The following STRIP2 variants were observed in gnomAD, a reference collection of about 807,000 sequenced individuals.
STRIP2 encodes striatin interacting protein 2, also known as striatin-interacting protein 2.
Under a neutral mutation model 107.1 loss-of-function variants are expected in STRIP2, and 84 were observed. The observed-to-expected ratio is 0.78, with a 90% CI of 0.66 to 0.94. The LOEUF (loss-of-function observed/expected upper bound fraction) is 0.94. Ranked by LOEUF, STRIP2 falls within the 40% of genes least tolerant of loss-of-function variation. The probability of loss-of-function intolerance (pLI) is 0.00; values close to 1 mark genes in which losing one functional copy is unlikely to be tolerated. For synonymous variants in STRIP2, 394 were observed against 400.4 expected (o/e 0.98, Z 0.19); for missense variants, 888 against 1,034.2 (o/e 0.86, Z 1.94).
chr7:129,443,657 C>A (rs1289744942), intron 2 of STRIP2, among the ~76,000 whole-genome samples: 2 of 152,210 alleles, frequency 1.3e-5, no homozygotes, highest in Non-Finnish European at 2.9e-5. Context: ...TGTTGCCCTC[C>A]TCTTCTCTTA....
At chr7:129,453,081 G>A in intron 4 of STRIP2, 146 bp from the exon 5 acceptor site, 1 of 1,057,214 alleles carries the variant, frequency 9.5e-7, no homozygotes. Flanking sequence ...ACTCATTCCA[G>A]GAAGTTCTTG....
chr7:129,461,195 A>G lies in STRIP2; in HGVS notation c.1476+823A>G, dbSNP rs1219394112. Among the ~76,000 whole-genome samples the G allele has an allele frequency of 1.3e-5, 2 of 152,224 alleles. No individual in the cohort carries two copies. Among genetic ancestry groups the G allele is most frequent in the African/African-American group, 4.8e-5 (2 of 41,466 alleles). On this transcript the variant is annotated intron_variant, in intron 13 of 20. Coordinates refer to ENST00000249344, the MANE Select transcript of STRIP2 (RefSeq NM_020704.3). The surrounding 1 kb of genome is among the most constrained non-coding windows in gnomAD (Gnocchi z 4.0). Reference sequence around the variant, plus strand: ...GAATCAAGAATAAGTACCATTTGCCAGGATGTGGGGGGAATATCAAGAGTT... The same window carrying G: ...GAATCAAGAATAAGTACCATTTGCCGGGATGTGGGGGGAATATCAAGAGTT...
chr7:129,458,769 C>T lies in STRIP2; in HGVS notation c.1332C>T (p.Thr444=). 1 of 1,614,116 alleles carries T rather than the reference C, an allele frequency of 6.2e-7. No individual in the cohort carries two copies. Among genetic ancestry groups the T allele is most frequent in the Non-Finnish European group, 8.5e-7 (1 of 1,180,006 alleles). Reference sequence around the variant, plus strand: ...GCAGGAACAAGTTCATCGGATTCACCCTGGGGCAGTAAGTGACTGAATGGC... The same window carrying T: ...GCAGGAACAAGTTCATCGGATTCACTCTGGGGCAGTAAGTGACTGAATGGC... ...EMSRNKFIGF[T]LGQDTDTLVG... is the part of the protein sequence containing the mutation. Residue 444 remains threonine (T), a synonymous_variant, in exon 11 of 21, where the codon ACC becomes ACT. Transcript: ENST00000249344. This position sits in a 1 kb window ranked among gnomAD's most constrained non-coding sequence, Gnocchi z 4.6.
chr7:129,472,113 A>G (rs1481536811), intron 18 of STRIP2, among the ~76,000 whole-genome samples: 3 of 152,220 alleles, frequency 2.0e-5, no homozygotes, highest in Admixed American at 2.0e-4. Context: ...AGTGGAAGTC[A>G]GGGTAGAGAG....
intron 3 of STRIP2, among the ~76,000 whole-genome samples, chr7:129,449,289 T>G (rs1345955696): frequency 6.6e-6 from 1 of 152,138 alleles, no homozygotes; most frequent in African/African-American, 2.4e-5. Flanking sequence ...CTCAAATAGT[T>G]CTTTTTGAGT....
intron 4 of STRIP2, among the ~76,000 whole-genome samples, chr7:129,452,691 C>A (rs919544772): frequency 5.9e-5 from 9 of 152,222 alleles, no homozygotes; most frequent in African/African-American, 1.9e-4. Context: ...TCAGCTTCTG[C>A]TCAAGGGCCT....
chr7:129,445,631 C>T (rs1410697156), intron 3 of STRIP2, among the ~76,000 whole-genome samples: 1 of 152,142 alleles, frequency 6.6e-6, no homozygotes, highest in Non-Finnish European at 1.5e-5. Context: ...TGCCCCAGCC[C>T]TGCAAAGTAT....
In STRIP2 at chr7:129,456,496, T is replaced by G; in HGVS notation, c.892T>G (p.Leu298Val). The G allele has an allele frequency of 6.2e-7, 1 of 1,614,104 alleles. No homozygotes were observed. The highest frequency in any genetic ancestry group is 8.5e-7 in the Non-Finnish European group (1 of 1,180,014). ...QTLKVQKRAE[L>V]GLPPLAEDSI... ...TCTCAAAGTACAGAAGCGGGCAGAATTGGGCCTGCCTCCACTGGCTGAAGA... is the reference window on the plus strand; with the variant it reads ...TCTCAAAGTACAGAAGCGGGCAGAAGTGGGCCTGCCTCCACTGGCTGAAGA... The change falls in exon 9 of 21, where the codon TTG (leucine) becomes GTG (valine). Residue 298 changes from leucine to valine, a missense_variant. Transcript: ENST00000249344.
chr7:129,483,293 G>A lies in STRIP2; in HGVS notation c.2254+247G>A. 1 of 1,212,902 alleles carries A rather than the reference G, an allele frequency of 8.2e-7. No homozygotes were observed. Among genetic ancestry groups the A allele is most frequent in the Non-Finnish European group, 1.0e-6 (1 of 972,132 alleles). The allele number at this position is 1,212,902 out of a possible 1,614,324, so 75.1% of individuals were successfully genotyped here. A position where few individuals can be genotyped will look rare whatever the true frequency, so the allele number is the denominator to read the frequency against. On this transcript the variant is annotated intron_variant, in intron 20 of 20. Coordinates refer to ENST00000249344, the MANE Select transcript of STRIP2 (RefSeq NM_020704.3). The surrounding 1 kb of genome is among the most constrained non-coding windows in gnomAD (Gnocchi z 5.1). Reference sequence around the variant, plus strand: ...CAAGTAAATTGAGAGATAATTAATTGCCTTTCCAAAACATTCTTTTAAATG... The same window carrying A: ...CAAGTAAATTGAGAGATAATTAATTACCTTTCCAAAACATTCTTTTAAATG...
intron 13 of STRIP2, among the ~76,000 whole-genome samples, chr7:129,462,423 C>T (rs1798565094): frequency 6.6e-6 from 1 of 152,168 alleles, no homozygotes; most frequent in African/African-American, 2.4e-5. Flanking sequence ...AGCCTCCCCA[C>T]TCTGATAAAA....
At chr7:129,471,528 C>A (rs753586047) in intron 18 of STRIP2, among the ~76,000 whole-genome samples, 6 of 146,924 alleles carry the variant, frequency 4.1e-5, no homozygotes, top group Non-Finnish European at 9.3e-5. Context: ...ATGGCATGCA[C>A]CAATGGTTAC....
chr7:129,465,645 T>C (rs1337028736), intron 16 of STRIP2, among the ~76,000 whole-genome samples: 2 of 152,208 alleles, frequency 1.3e-5, no homozygotes, highest in Non-Finnish European at 2.9e-5. Context: ...AATACCTCTT[T>C]TATACATGAT....
intron 2 of STRIP2, among the ~76,000 whole-genome samples, chr7:129,443,364 A>G (rs1158315687): frequency 6.6e-6 from 1 of 152,142 alleles, no homozygotes; most frequent in Non-Finnish European, 1.5e-5. Flanking sequence ...TTTATTTCTC[A>G]TAAGCTTTTT....
intron 16 of STRIP2, among the ~76,000 whole-genome samples, chr7:129,466,868 C>T (rs1798682725): frequency 1.3e-5 from 2 of 152,250 alleles, no homozygotes; most frequent in South Asian, 4.1e-4. Flanking sequence ...TATGGTACAC[C>T]AGACATACTG....
chr7:129,464,487 C>T lies in STRIP2; in HGVS notation c.1650-125C>T. 4.8e-6 allele frequency: 5 copies of T among 1,050,024 alleles called. No individual in the cohort carries two copies. The South Asian group carries it at 7.9e-5, about 17-fold the overall frequency. The allele number at this position is 1,050,024 out of a possible 1,614,324, so 65.0% of individuals were successfully genotyped here. A position where few individuals can be genotyped will look rare whatever the true frequency, so the allele number is the denominator to read the frequency against. Reference sequence around the variant, plus strand: ...GGGAACTCTGGAGGTTTCCCTGGCACAGAAGTTCAAGTTTCCCAAGTTCTG... The same window carrying T: ...GGGAACTCTGGAGGTTTCCCTGGCATAGAAGTTCAAGTTTCCCAAGTTCTG... On this transcript the variant is annotated intron_variant, in intron 15 of 20. Coordinates refer to ENST00000249344, the MANE Select transcript of STRIP2 (RefSeq NM_020704.3).
chr7:129,468,705 T>C (rs1798727350), intron 17 of STRIP2, among the ~76,000 whole-genome samples: 1 of 152,210 alleles, frequency 6.6e-6, no homozygotes, highest in Admixed American at 6.5e-5. Context: ...CACAACTGCA[T>C]GCAGGCACCT....
Position 129,461,058 on chromosome 7 carries a change from A to T in STRIP2, c.1476+686A>T, listed in dbSNP as rs1798520277. Among the ~76,000 whole-genome samples, 1 of 152,256 alleles carries T rather than the reference A, an allele frequency of 6.6e-6. No homozygotes were observed. The highest frequency in any genetic ancestry group is 1.5e-5 in the Non-Finnish European group (1 of 68,040). On this transcript the variant is annotated intron_variant, in intron 13 of 20. Coordinates refer to ENST00000249344, the MANE Select transcript of STRIP2 (RefSeq NM_020704.3). This position sits in a 1 kb window ranked among gnomAD's most constrained non-coding sequence, Gnocchi z 4.0. ...AGCATAGACGCACTCTACGGAGATTAGTTAGAAAACCCTTGAAATAGTCAA... is the reference window on the plus strand; with the variant it reads ...AGCATAGACGCACTCTACGGAGATTTGTTAGAAAACCCTTGAAATAGTCAA...
At position 129,487,894 on chromosome 7, in the gene STRIP2, C is replaced by T. The variant is rs2151023522; in HGVS notation, c.*2065C>T. 1 of 152,330 alleles carries T rather than the reference C, an allele frequency of 6.6e-6. No individual in the cohort carries two copies. Among genetic ancestry groups the T allele is most frequent in the South Asian group, 2.1e-4 (1 of 4,826 alleles). 9.4% of individuals were successfully genotyped at this position (152,330 alleles called of 1,614,324 possible). A position where few individuals can be genotyped will look rare whatever the true frequency, so the allele number is the denominator to read the frequency against. ...GGCACAGAAGTATGCTAAGCTTTAA[C>T]ATTTTGTATTTATTTACAACCCTTT... On this transcript the variant is annotated 3_prime_UTR_variant, in exon 21 of 21. Coordinates refer to ENST00000249344, the MANE Select transcript of STRIP2 (RefSeq NM_020704.3).
At chr7:129,468,594 A>G (rs1336986335) in intron 17 of STRIP2, among the ~76,000 whole-genome samples, 2 of 152,178 alleles carry the variant, frequency 1.3e-5, no homozygotes, top group African/African-American at 4.8e-5. Flanking sequence ...TTTTCCTAAC[A>G]ATACGGAGAC....
Sources: gnomAD v4.1 joint callset for allele counts (sites outside exome capture counted in the v4.1 genomes callset) on GRCh38, gnomAD v4.1.1 for gene constraint, Gnocchi (gnomAD v3.1) non-coding constraint, MANE v1.5 for transcripts, NCBI Gene and HGNC (gene_info 2026-07-23, HGNC 2026-07-21) for gene names.